The following FUT9 variants were observed in gnomAD, a reference collection of about 807,000 sequenced individuals.
FUT9 encodes the protein fucosyltransferase 9.
A neutral mutation model predicts 29.7 loss-of-function variants in FUT9; 15 were observed. The ratio of observed to expected loss-of-function variants is 0.51; its 90% confidence interval spans 0.34 to 0.78. The LOEUF is 0.78. FUT9 is among the 30% of genes least tolerant of loss of function. The pLI is 0.01. For synonymous variants in FUT9, 169 were observed against 153.7 expected, an observed-to-expected ratio of 1.10 and a Z score of -0.74; for missense variants, 319 against 425.4, an observed-to-expected ratio of 0.75 and a Z score of 2.20.
Position 96,203,752 on chromosome 6 carries a change from G to A in FUT9, c.597G>A (p.Glu199=). ...VCWVVSNWNP[E]HARVKYYNEL... is the part of the protein sequence containing the mutation. ...GGGTTGTGAGTAACTGGAACCCTGA[G>A]CATGCCAGAGTCAAGTATTACAATG... is the stretch of plus-strand genomic sequence containing the variant. Residue 199 remains glutamate, a synonymous_variant, in exon 3 of 3, where the codon GAG becomes GAA. Coordinates refer to ENST00000302103, the MANE Select transcript of FUT9 (RefSeq NM_006581.4). The A allele has an allele frequency of 1.9e-6, 3 of 1,614,064 alleles. No homozygotes were observed. The highest frequency in any genetic ancestry group is 2.5e-6 in the Non-Finnish European group (3 of 1,180,020).
At chr6:96,055,709 CTTTT>C (rs113298226) in intron 1 of FUT9, among the ~76,000 whole-genome samples, 1 of 45,594 alleles carries the variant, frequency 2.2e-5, no homozygotes, top group Non-Finnish European at 5.8e-5. Flanking sequence ...ATTTCTTTTT[CTTTT>C]TTTTTTTTTT....
chr6:96,030,449 GAACA>G (rs760394969), intron 1 of FUT9, among the ~76,000 whole-genome samples: 5 of 151,436 alleles, frequency 3.3e-5, no homozygotes, highest in South Asian at 2.1e-4. Context: ...AATGAAAACA[GAACA>G]AACAAACAAA....
intron 2 of FUT9, among the ~76,000 whole-genome samples, chr6:96,202,085 A>G (rs1016759821): frequency 3.9e-5 from 6 of 152,060 alleles, no homozygotes; most frequent in African/African-American, 1.4e-4. Flanking sequence ...TTTTCGTAAG[A>G]GAAGCAACAT....
At chr6:96,119,450 T>C (rs1290855240) in intron 2 of FUT9, among the ~76,000 whole-genome samples, 1 of 152,184 alleles carries the variant, frequency 6.6e-6, no homozygotes, top group Admixed American at 6.5e-5. Flanking sequence ...TGCACAACAA[T>C]GAAATCACCT....
At chr6:96,145,324 G>A (rs1772546377) in intron 2 of FUT9, among the ~76,000 whole-genome samples, 1 of 152,118 alleles carries the variant, frequency 6.6e-6, no homozygotes, top group African/African-American at 2.4e-5. Context: ...CCAAAGTGCT[G>A]GGATTACAGG....
At chr6:96,089,881 T>G (rs1187288946) in intron 1 of FUT9, among the ~76,000 whole-genome samples, 1 of 152,182 alleles carries the variant, frequency 6.6e-6, no homozygotes, top group East Asian at 1.9e-4. Context: ...ATAATTTTTA[T>G]GTATAATGAC....
chr6:96,108,891 C>A (rs1055838356), intron 1 of FUT9, among the ~76,000 whole-genome samples: 1 of 152,110 alleles, frequency 6.6e-6, no homozygotes, highest in African/African-American at 2.4e-5. Context: ...TCCCCTTCCA[C>A]TTCTAGATTG....
At chr6:96,198,181 T>G (rs1272891197) in intron 2 of FUT9, among the ~76,000 whole-genome samples, 3 of 152,034 alleles carry the variant, frequency 2.0e-5, no homozygotes, top group Non-Finnish European at 4.4e-5. Context: ...GTTAGTTACA[T>G]ATGTATACAT....
chr6:96,137,858 ACT>A (rs951446645), intron 2 of FUT9, among the ~76,000 whole-genome samples: 2 of 152,038 alleles, frequency 1.3e-5, no homozygotes, highest in Non-Finnish European at 2.9e-5. Flanking sequence ...AACTTTCTCT[ACT>A]CTCTCTGTAA....
At chr6:96,060,895 T>C (rs928853062) in intron 1 of FUT9, among the ~76,000 whole-genome samples, 6 of 152,170 alleles carry the variant, frequency 3.9e-5, no homozygotes, top group Non-Finnish European at 7.3e-5. Context: ...ATTTAAAGGA[T>C]GGAATTCAAT....
chr6:96,117,513 A>G (rs1300595532), intron 2 of FUT9, among the ~76,000 whole-genome samples: 5 of 152,220 alleles, frequency 3.3e-5, no homozygotes, highest in African/African-American at 4.8e-5. Flanking sequence ...TTTTAGTTTC[A>G]TGCTCAGTTT....
At chr6:96,175,549 A>G (rs1773188543) in intron 2 of FUT9, among the ~76,000 whole-genome samples, 1 of 152,246 alleles carries the variant, frequency 6.6e-6, no homozygotes. Context: ...TACAAATGCC[A>G]TGGGGCACCT....
intron 2 of FUT9, among the ~76,000 whole-genome samples, chr6:96,182,516 T>C (rs2127986309): frequency 6.6e-6 from 1 of 152,208 alleles, no homozygotes; most frequent in East Asian, 1.9e-4. Flanking sequence ...TCTAGAGGTC[T>C]TTTCCAATGT....
chr6:96,098,432 A>G (rs1771536376), intron 1 of FUT9, among the ~76,000 whole-genome samples: 1 of 152,172 alleles, frequency 6.6e-6, no homozygotes, highest in Non-Finnish European at 1.5e-5. Flanking sequence ...CTAAAACTCT[A>G]GATTCTTTTC....
chr6:96,026,470 A>G (rs1770170550), intron 1 of FUT9, among the ~76,000 whole-genome samples: 1 of 151,674 alleles, frequency 6.6e-6, no homozygotes, highest in Admixed American at 6.6e-5. Context: ...TTTCTATGTC[A>G]GGAAGTAAAA....
Position 96,211,245 on chromosome 6 carries a change from C to G in FUT9, c.*7010C>G, listed in dbSNP as rs1270083267. The G allele has an allele frequency of 6.0e-6, 1 of 166,572 alleles. No homozygotes were observed. The highest frequency in any genetic ancestry group is 1.9e-4 in the East Asian group (1 of 5,202). The allele number at this position is 166,572 out of a possible 1,614,324, so 10.3% of individuals were successfully genotyped here. A position where few individuals can be genotyped will look rare whatever the true frequency, so the allele number is the denominator to read the frequency against. ...TTGTTTGCATTACTAAATATATATACCATTTCTTAAGATAATTGGAACTCA... is the reference window on the plus strand; with the variant it reads ...TTGTTTGCATTACTAAATATATATAGCATTTCTTAAGATAATTGGAACTCA... On this transcript the variant is annotated 3_prime_UTR_variant, in exon 3 of 3. Coordinates refer to ENST00000302103, the MANE Select transcript of FUT9 (RefSeq NM_006581.4).
chr6:96,067,877 G>A (rs556686920), intron 1 of FUT9, among the ~76,000 whole-genome samples: 2 of 151,998 alleles, frequency 1.3e-5, no homozygotes, highest in South Asian at 2.1e-4. Context: ...TATGTAATAC[G>A]TATGTTTACT....
At chr6:96,067,693 G>A (rs937314158) in intron 1 of FUT9, among the ~76,000 whole-genome samples, 1 of 152,052 alleles carries the variant, frequency 6.6e-6, no homozygotes, top group African/African-American at 2.4e-5. Flanking sequence ...TAGCTTGGAA[G>A]TATAGAATTG....
chr6:96,030,905 A>G (rs1770249576), intron 1 of FUT9, among the ~76,000 whole-genome samples: 1 of 151,570 alleles, frequency 6.6e-6, no homozygotes, highest in Admixed American at 6.6e-5. Flanking sequence ...CAGAAAACAT[A>G]TCAGTGGTTT....
Sources: allele counts gnomAD v4.1 joint callset (sites outside exome capture counted in the v4.1 genomes callset), GRCh38; gene constraint gnomAD v4.1.1; transcripts MANE v1.5; gene names NCBI Gene and HGNC (gene_info 2026-07-23, HGNC 2026-07-21).